THAP3: variants seen among roughly 807,000 people sequenced by gnomAD.
THAP3 encodes the protein THAP domain-containing protein 3.
In THAP3, 12 loss-of-function variants were observed where a neutral mutation model predicts 17.7. That is an observed-to-expected ratio of 0.68 (90% CI 0.43 to 1.10). THAP3 has a LOEUF of 1.10. THAP3 is among the 50% of genes least tolerant of loss of function. THAP3 has a pLI of 0.00. For missense variants in THAP3, 289 were observed against 318.0 expected (o/e 0.91, Z 0.69); for synonymous variants, 133 against 126.9 (o/e 1.05, Z -0.32).
chr1:6,634,833 T>C (rs887354231), downstream of THAP3: 6 of 1,243,362 alleles, frequency 4.8e-6, no homozygotes, highest in African/African-American at 7.8e-5. Context: ...TTGGGTTGGG[T>C]GTGTCTGATG....
At chr1:6,633,607 C>T (rs1409300637), downstream of THAP3, 6 of 1,080,578 alleles carry the variant, frequency 5.6e-6, no homozygotes, top group South Asian at 5.4e-5. Context: ...GTGATTCCTT[C>T]TAAGAAGACT....
intron 1 of THAP3, 41 bp from the exon 2 acceptor site, chr1:6,625,109 G>A: frequency 7.8e-7 from 1 of 1,274,206 alleles, no homozygotes; most frequent in Non-Finnish European, 1.1e-6. Flanking sequence ...AGGCGAGCCA[G>A]GCCCGTCACC....
At chr1:6,634,981 G>T, downstream of THAP3, 9 of 779,646 alleles carry the variant, frequency 1.2e-5, no homozygotes, top group Non-Finnish European at 1.6e-5. Flanking sequence ...ACCGGGATAC[G>T]GGAAGCCACC....
In THAP3 at chr1:6,624,940, G is replaced by A; in HGVS notation, c.-84G>A. ...AAAGCAAGGAGGTGAAAGGCGACCA[G>A]CATTGGCGAATGGGGTAAGACTTGC... is the stretch of plus-strand genomic sequence containing the variant. On this transcript the variant is annotated 5_prime_UTR_variant, in exon 1 of 6. Coordinates refer to ENST00000054650, the MANE Select transcript of THAP3 (RefSeq NM_001195753.2). The A allele has an allele frequency of 2.1e-6, 1 of 487,082 alleles. No homozygotes were observed. The allele number at this position is 487,082 out of a possible 1,614,324, so 30.2% of individuals were successfully genotyped here.
intron 2 of THAP3, among the ~76,000 whole-genome samples, 153 bp downstream of exon 2, chr1:6,625,445 G>A (rs540100977): frequency 5.3e-5 from 8 of 151,834 alleles, no homozygotes; most frequent in Admixed American, 3.3e-4. Flanking sequence ...GGCTGGCGCC[G>A]CCGCGCCCGC....
chr1:6,633,633 G>C, downstream of THAP3: 1 of 1,048,310 alleles, frequency 9.5e-7, no homozygotes. Flanking sequence ...CCGTGGCCGG[G>C]CGCAGTGGCT....
At position 6,633,535 on chromosome 1, in the gene THAP3, G is replaced by A; in HGVS notation, c.*458G>A. 5 of 1,093,606 alleles carry A rather than the reference G, an allele frequency of 4.6e-6. No individual in the cohort carries two copies. Among genetic ancestry groups the A allele is most frequent in the Non-Finnish European group, 5.6e-6 (5 of 895,408 alleles). 67.7% of individuals were successfully genotyped at this position (1,093,606 alleles called of 1,614,324 possible). On this transcript the variant is annotated 3_prime_UTR_variant, in exon 6 of 6. Coordinates refer to ENST00000054650, the MANE Select transcript of THAP3 (RefSeq NM_001195753.2). ...ACTCCTGTCCCGGCCTGGTGTGAGT[G>A]GGCAGTGTAATAAAGTGTCTTTCTA...
intron 4 of THAP3, among the ~76,000 whole-genome samples, chr1:6,632,028 C>T (rs1240297778): frequency 7.6e-6 from 1 of 131,910 alleles, no homozygotes; most frequent in Non-Finnish European, 1.6e-5. Context: ...GCCTGGGTGA[C>T]AGAGTTAGAT....
intron 4 of THAP3, among the ~76,000 whole-genome samples, chr1:6,630,917 C>G (rs568305790): frequency 6.6e-6 from 1 of 151,000 alleles, no homozygotes; most frequent in Non-Finnish European, 1.5e-5. Flanking sequence ...CTATTTTACT[C>G]AGGCTGGTCT....
rs372464104 is a variant in THAP3, at chr1:6,631,566, C to T, written c.334-825C>T. 8.0e-4 allele frequency among the ~76,000 whole-genome samples: 121 copies of T among 151,932 alleles called. 2 individuals carry two copies. In the South Asian group the frequency reaches 0.025, roughly 31 times the overall value. ...GGCGGATCACCTGAGGTTAGGAGTTCGAAACCAGCCTGGCCAACATGGTGA... is the reference window on the plus strand; with the variant it reads ...GGCGGATCACCTGAGGTTAGGAGTTTGAAACCAGCCTGGCCAACATGGTGA... On this transcript the variant is annotated intron_variant, in intron 4 of 5. Coordinates refer to ENST00000054650, the MANE Select transcript of THAP3 (RefSeq NM_001195753.2).
At chr1:6,625,385 G>A (rs1641437821) in intron 2 of THAP3, 93 bp downstream of exon 2, 3 of 1,198,874 alleles carry the variant, frequency 2.5e-6, no homozygotes. Context: ...GAGGCCCAAA[G>A]GCGTGCGGCC....
chr1:6,633,549 A>G lies in THAP3; in HGVS notation c.*472A>G, dbSNP rs1454142423. 1.8e-6 allele frequency: 2 copies of G among 1,086,416 alleles called. No individual in the cohort carries two copies. Among genetic ancestry groups the G allele is most frequent in the East Asian group, 7.1e-5 (1 of 13,988 alleles). The allele number at this position is 1,086,416 out of a possible 1,614,324, so 67.3% of individuals were successfully genotyped here. A position where few individuals can be genotyped will look rare whatever the true frequency, so the allele number is the denominator to read the frequency against. ...CTGGTGTGAGTGGGCAGTGTAATAA[A>G]GTGTCTTTCTATACGGTGTCGCTCC... On this transcript the variant is annotated 3_prime_UTR_variant, in exon 6 of 6. Transcript: ENST00000054650.
chr1:6,634,117 G>C, downstream of THAP3: 1 of 1,596,762 alleles, frequency 6.3e-7, no homozygotes, highest in Non-Finnish European at 8.6e-7. Context: ...CTGGGGAAGG[G>C]GTTCCCTCCC....
At chr1:6,627,115 A>G (rs1641487807) in intron 2 of THAP3, among the ~76,000 whole-genome samples, 1 of 152,188 alleles carries the variant, frequency 6.6e-6, no homozygotes, top group East Asian at 1.9e-4. Context: ...TCTTGGCCAC[A>G]GGTGTCTCTT....
Position 6,625,130 on chromosome 1 carries a change from G to A in THAP3, c.-69-20G>A, listed in dbSNP as rs943532165. ...GCCAGGCCCGTCACCACCTCCCAGC[G>A]GCCCCGCCCCTCCCCGCAGGTCCCT... On this transcript the variant is annotated intron_variant, in intron 1 of 5. Transcript: ENST00000054650. 60 of 1,400,254 alleles carry A rather than the reference G, an allele frequency of 4.3e-5. No individual in the cohort carries two copies. The highest frequency in any genetic ancestry group is 5.5e-5 in the Non-Finnish European group (57 of 1,042,102). 86.7% of individuals were successfully genotyped at this position (1,400,254 alleles called of 1,614,324 possible).
rs1405168166 is a variant in THAP3 at position 6,625,179 on chromosome 1, C to T, written c.-40C>T. 5 of 1,527,338 alleles carry T rather than the reference C, an allele frequency of 3.3e-6. No homozygotes were observed. Among genetic ancestry groups the T allele is most frequent in the African/African-American group, 1.4e-5 (1 of 70,658 alleles). The allele number at this position is 1,527,338 out of a possible 1,614,324, so 94.6% of individuals were successfully genotyped here. On this transcript the variant is annotated 5_prime_UTR_variant, in exon 2 of 6. Coordinates refer to ENST00000054650, the MANE Select transcript of THAP3 (RefSeq NM_001195753.2). ...CTCCCCTCTCCGCAGGCCCCGCCGC[C>T]GCCGCCATCTTTGTTGGGGGCAGCC...
Position 6,633,552 on chromosome 1 carries a change from G to GTC in THAP3, c.*477_*478dup. 2.8e-6 allele frequency: 3 copies of GTC among 1,084,212 alleles called. No homozygotes were observed. The highest frequency in any genetic ancestry group is 3.4e-6 in the Non-Finnish European group (3 of 890,172). 67.2% of individuals were successfully genotyped at this position (1,084,212 alleles called of 1,614,324 possible). ...GTGTGAGTGGGCAGTGTAATAAAGTGTCTTTCTATACGGTGTCGCTCCCAT... is the reference window on the plus strand; with the variant it reads ...GTGTGAGTGGGCAGTGTAATAAAGTGTCTCTTTCTATACGGTGTCGCTCCCAT... On this transcript the variant is annotated 3_prime_UTR_variant, in exon 6 of 6. Coordinates refer to ENST00000054650, the MANE Select transcript of THAP3 (RefSeq NM_001195753.2).
At position 6,628,730 on chromosome 1, in the gene THAP3, C is replaced by T. The variant is rs571523476; in HGVS notation, c.267+39C>T. 40 of 1,572,330 alleles carry T rather than the reference C, an allele frequency of 2.5e-5. No homozygotes were observed. The Admixed American group carries it at 2.6e-4, about 10-fold the overall frequency. On this transcript the variant is annotated intron_variant, in intron 3 of 5. Coordinates refer to ENST00000054650, the MANE Select transcript of THAP3 (RefSeq NM_001195753.2). ...GCACCTTCCGTCTGGTCACATCCAG[C>T]CTGCGTTGTTTACCAGCAGCTGGGG... is the stretch of plus-strand genomic sequence containing the variant.
At chr1:6,631,060 A>C (rs1358510512) in intron 4 of THAP3, among the ~76,000 whole-genome samples, 2 of 151,868 alleles carry the variant, frequency 1.3e-5, no homozygotes, top group African/African-American at 4.8e-5. Context: ...GGCTCTGTAC[A>C]GTGGTGCAGT....
Sources: gnomAD v4.1 joint callset for allele counts (sites outside exome capture counted in the v4.1 genomes callset) on GRCh38, gnomAD v4.1.1 for gene constraint, MANE v1.5 for transcripts, NCBI Gene and HGNC (gene_info 2026-07-23, HGNC 2026-07-21) for gene names.